The following ZNF695 variants were observed in gnomAD, a reference collection of about 807,000 sequenced individuals.
The protein encoded by ZNF695 is zinc finger protein 695.
In ZNF695, 11 loss-of-function variants were observed where a neutral mutation model predicts 11.2. The ratio of observed to expected loss-of-function variants is 0.98; its 90% confidence interval spans 0.62 to 1.62. The LOEUF (loss-of-function observed/expected upper bound fraction) is 1.62. Ranked by LOEUF, ZNF695 falls within the 40% of genes most tolerant of loss-of-function variation. The pLI, the probability that ZNF695 is intolerant of heterozygous loss-of-function variation, is 0.00. For missense variants in ZNF695, 559 were observed against 590.5 expected (o/e 0.95, Z 0.55); for synonymous variants, 190 against 201.4 (o/e 0.94, Z 0.48).
chr1:246,994,107 G>A (rs1002371347), intron 3 of ZNF695, among the ~76,000 whole-genome samples: 12 of 152,154 alleles, frequency 7.9e-5, no homozygotes, highest in Non-Finnish European at 7.4e-5. Flanking sequence ...CCTGGGCGGC[G>A]GAGGAACAAA....
At chr1:246,973,971 T>C (rs1458650539) in intron 4 of ZNF695, among the ~76,000 whole-genome samples, 2 of 152,200 alleles carry the variant, frequency 1.3e-5, no homozygotes, top group African/African-American at 4.8e-5. Flanking sequence ...CCAGGTTGCC[T>C]GTCAGTGGTT....
chr1:246,971,004 A>C lies in ZNF695; in HGVS notation c.391-3212T>G, dbSNP rs544306271. Among the ~76,000 whole-genome samples, 3 of 152,302 alleles carry C rather than the reference A, an allele frequency of 2.0e-5. No individual in the cohort carries two copies. The East Asian group carries it at 5.8e-4, about 29-fold the overall frequency. On this transcript the variant is annotated intron_variant, in intron 4 of 5. Coordinates refer to the ZNF695 transcript ENST00000487338. ...GTAGAAATAAAGACACAAGACAAGG[A>C]GATAGAAGAAAAGACAGCTGGGCCC...
At chr1:246,954,576 C>T (rs988557059) in intron 5 of ZNF695, among the ~76,000 whole-genome samples, 6 of 152,182 alleles carry the variant, frequency 3.9e-5, no homozygotes, top group Non-Finnish European at 8.8e-5. Flanking sequence ...ATTGTCTTGT[C>T]TAATGTACAG....
At position 246,972,040 on chromosome 1, in the gene ZNF695, C is replaced by T. The variant is rs77655701; in HGVS notation, c.391-4248G>A. The stretch of plus-strand genomic sequence containing the variant: ...AGCTCCTTCCCTCCCCCGGCTCAGA[C>T]AACTTGCCCCTGAGGGCAGGGGCCT... On this transcript the variant is annotated intron_variant, in intron 4 of 5. Coordinates refer to the ZNF695 transcript ENST00000487338. 6.6e-5 allele frequency among the ~76,000 whole-genome samples: 10 copies of T among 152,324 alleles called. No homozygotes were observed. The East Asian group carries it at 9.7e-4, about 15-fold the overall frequency.
rs745398283 is a variant in ZNF695 at position 246,993,191 on chromosome 1, G to A, written c.260-4936C>T. Among the ~76,000 whole-genome samples the A allele has an allele frequency of 1.1e-3, 166 of 152,102 alleles. 2 individuals are homozygous for A. The highest frequency in any genetic ancestry group is 1.1e-3 in the Non-Finnish European group (77 of 68,016). On this transcript the variant is annotated intron_variant, in intron 3 of 3. Coordinates refer to ENST00000339986, the MANE Select transcript of ZNF695 (RefSeq NM_020394.5). ...TGGGAGGCCGAGGTTGGCAGATCACGAGGTCAGATGTTCAAGACCAGCCTG... is the reference window on the plus strand; with the variant it reads ...TGGGAGGCCGAGGTTGGCAGATCACAAGGTCAGATGTTCAAGACCAGCCTG...
At chr1:246,966,438 G>A (rs891951196) in intron 5 of ZNF695, among the ~76,000 whole-genome samples, 2 of 151,718 alleles carry the variant, frequency 1.3e-5, no homozygotes, top group East Asian at 1.9e-4. Flanking sequence ...CCAAGATTGC[G>A]CCATTGCACT....
At position 246,989,656 on chromosome 1, in the gene ZNF695, T is replaced by C. The variant is rs547393630; in HGVS notation, c.260-1401A>G. Among the ~76,000 whole-genome samples the C allele has an allele frequency of 4.6e-5, 7 of 152,318 alleles. No individual in the cohort carries two copies. The East Asian group carries it at 1.3e-3, about 29-fold the overall frequency. ...CATTGAATGTAAATGGAGTAAATTA[T>C]CCATTCAAAAGAAATAGACTGGCTG... On this transcript the variant is annotated intron_variant, in intron 3 of 3. Coordinates refer to ENST00000339986, the MANE Select transcript of ZNF695 (RefSeq NM_020394.5).
Position 246,985,739 on chromosome 1 carries a change from A to G in ZNF695, c.*1228T>C. The G allele has an allele frequency of 1.0e-6, 1 of 985,428 alleles. No homozygotes were observed. Among genetic ancestry groups the G allele is most frequent in the Non-Finnish European group, 1.2e-6 (1 of 829,894 alleles). The allele number at this position is 985,428 out of a possible 1,614,324, so 61.0% of individuals were successfully genotyped here. A position where few individuals can be genotyped will look rare whatever the true frequency, so the allele number is the denominator to read the frequency against. ...AAACTCAAATGTTTCTTTCTTAAAT[A>G]TAATGCAGAATAGTACTCTGAAGAC... On this transcript the variant is annotated 3_prime_UTR_variant, in exon 4 of 4. Coordinates refer to ENST00000339986, the MANE Select transcript of ZNF695 (RefSeq NM_020394.5).
At position 247,007,940 on chromosome 1, in the gene ZNF695, C is replaced by A; in HGVS notation, c.-32G>T. 1 of 1,501,366 alleles carries A rather than the reference C, an allele frequency of 6.7e-7. No homozygotes were observed. Among genetic ancestry groups the A allele is most frequent in the South Asian group, 1.3e-5 (1 of 75,590 alleles). 93.0% of individuals were successfully genotyped at this position (1,501,366 alleles called of 1,614,324 possible). A position where few individuals can be genotyped will look rare whatever the true frequency, so the allele number is the denominator to read the frequency against. On this transcript the variant is annotated 5_prime_UTR_variant, in exon 1 of 4. It adds an upstream start codon to the 5' untranslated region. Coordinates refer to ENST00000339986, the MANE Select transcript of ZNF695 (RefSeq NM_020394.5). ...GCTTTTGGGGGTCCCAGCGTCCTCC[C>A]TATAAATCTCGCAATACCTGCAGGC...
At chr1:246,949,420 G>A (rs760073901) in intron 5 of ZNF695, among the ~76,000 whole-genome samples, 4 of 151,962 alleles carry the variant, frequency 2.6e-5, no homozygotes, top group Non-Finnish European at 4.4e-5. Context: ...GCGAAACCCC[G>A]TCTCTACTAA....
At chr1:246,965,263 A>C (rs1191288569) in intron 5 of ZNF695, among the ~76,000 whole-genome samples, 1 of 151,472 alleles carries the variant, frequency 6.6e-6, no homozygotes, top group African/African-American at 2.4e-5. Context: ...AGTCTGAGGC[A>C]GGAGAATGGC....
intron 4 of ZNF695, among the ~76,000 whole-genome samples, chr1:246,972,404 CGTT>C (rs1326973024): frequency 6.6e-6 from 1 of 152,176 alleles, no homozygotes; most frequent in East Asian, 1.9e-4. Flanking sequence ...TAAGTTTCTG[CGTT>C]GTTATGAAGT....
chr1:246,966,816 TG>T (rs1400975634), intron 5 of ZNF695: 2 of 456,674 alleles, frequency 4.4e-6, no homozygotes, highest in Admixed American at 2.3e-5. Context: ...GAGAAAGTTG[TG>T]GGGAGGTCCT....
intron 4 of ZNF695, among the ~76,000 whole-genome samples, chr1:246,973,996 G>A (rs1180776947): frequency 6.6e-6 from 1 of 152,102 alleles, no homozygotes; most frequent in Non-Finnish European, 1.5e-5. Flanking sequence ...TCTTCCTGGA[G>A]ATAATCAAGA....
chr1:246,976,566 GGGCA>G (rs1558310672), intron 4 of ZNF695, among the ~76,000 whole-genome samples: 8 of 151,642 alleles, frequency 5.3e-5, no homozygotes, highest in Non-Finnish European at 8.8e-5. Flanking sequence ...AGGCCAAGGC[GGGCA>G]GATCACGAGG....
At chr1:246,976,514 GC>G (rs1243398513) in intron 4 of ZNF695, among the ~76,000 whole-genome samples, 1 of 152,080 alleles carries the variant, frequency 6.6e-6, no homozygotes, top group East Asian at 1.9e-4. Flanking sequence ...AATTACACTG[GC>G]CGGGCGCGGT....
chr1:247,006,131 A>C (rs376944270), intron 1 of ZNF695, among the ~76,000 whole-genome samples: 16 of 151,754 alleles, frequency 1.1e-4, no homozygotes, highest in African/African-American at 3.6e-4. Context: ...AGGCTGAGAC[A>C]GGAGTATCGC....
Position 246,987,832 on chromosome 1 carries a change from G to A in ZNF695, c.683C>T (p.Thr228Ile), listed in dbSNP as rs1269323431. ...TCCAACATGAATTCTCTTACAGTCA[G>A]TAAAGCATGAGCACTCATTAAAGGC... ...GKAFNECSCF[T>I]DCKRIHVGEK... Residue 228 changes from threonine (T) to isoleucine (I), a missense_variant, in exon 4 of 4, where the codon ACT becomes ATT. Physicochemically the swap from Thr to Ile is moderately conservative, Grantham distance 89. Coordinates refer to ENST00000339986, the MANE Select transcript of ZNF695 (RefSeq NM_020394.5). The A allele has an allele frequency of 1.2e-6, 2 of 1,611,542 alleles. No individual in the cohort carries two copies. The highest frequency in any genetic ancestry group is 2.2e-5 in the East Asian group (1 of 44,872).
rs532597249 is a variant in ZNF695 at position 246,976,532 on chromosome 1, CA to C, written c.391-8741del. On this transcript the variant is annotated intron_variant, in intron 4 of 5. Transcript: ENST00000487338. The stretch of plus-strand genomic sequence containing the variant: ...TACACTGGCCGGGCGCGGTGGCTCA[CA>C]CCTGTAATCCCAGCACTTTGGGAGG... Among the ~76,000 whole-genome samples the C allele has an allele frequency of 2.3e-3, 353 of 152,200 alleles. 5 individuals carry two copies. The Middle Eastern group carries it at 0.027, about 12-fold the overall frequency.
Sources: allele counts gnomAD v4.1 joint callset (sites outside exome capture counted in the v4.1 genomes callset), GRCh38; gene constraint gnomAD v4.1.1; transcripts MANE v1.5; gene names NCBI Gene and HGNC (gene_info 2026-07-23, HGNC 2026-07-21).